OVCH1: variants seen among roughly 807,000 people sequenced by gnomAD.
The protein encoded by OVCH1 is ovochymase-1.
OVCH1 carries 139 observed loss-of-function variants against 138.4 expected under a neutral mutation model. The observed-to-expected ratio is 1.00, with a 90% CI of 0.87 to 1.16. The LOEUF is 1.16. Ranked by LOEUF, OVCH1 falls within the 50% of genes most tolerant of loss-of-function variation. The pLI is 0.00. For synonymous variants in OVCH1, 453 were observed against 467.8 expected (o/e 0.97, Z 0.41); for missense variants, 1,367 against 1,357.9 (o/e 1.01, Z -0.11).
chr12:29,451,759 G>C (rs1045309420), intron 21 of OVCH1, among the ~76,000 whole-genome samples, 190 bp from the exon 22 acceptor site: 1 of 152,138 alleles, frequency 6.6e-6, no homozygotes, highest in African/African-American at 2.4e-5. Flanking sequence ...TGATATTATA[G>C]AGGTAGAATT....
At chr12:29,482,772 C>CT in intron 8 of OVCH1, among the ~76,000 whole-genome samples, 1 of 152,272 alleles carries the variant, frequency 6.6e-6, no homozygotes, top group East Asian at 1.9e-4. Context: ...TCTCTTGAAA[C>CT]TTTTTCTTGC....
chr12:29,445,581 G>A (rs192202506), intron 22 of OVCH1, among the ~76,000 whole-genome samples, 178 bp from the exon 23 acceptor site: 1 of 152,146 alleles, frequency 6.6e-6, no homozygotes, highest in Admixed American at 6.6e-5. Context: ...CTAGCCGGGT[G>A]GGAAGCTAGG....
intron 6 of OVCH1, among the ~76,000 whole-genome samples, chr12:29,488,963 A>G (rs1203780753): frequency 4.6e-5 from 7 of 150,672 alleles, no homozygotes; most frequent in Non-Finnish European, 8.9e-5. Context: ...CTTCCAACAG[A>G]TAATTTCAGA....
chr12:29,436,864 C>T (rs979561462), intron 26 of OVCH1, among the ~76,000 whole-genome samples: 6 of 152,158 alleles, frequency 3.9e-5, no homozygotes, highest in African/African-American at 1.2e-4. Context: ...TGAGCAGCAG[C>T]AAGATTTATT....
At chr12:29,412,646 TC>T (rs1940975553) in exon 4 of OVCH1, 1 of 152,212 alleles carries the variant, frequency 6.6e-6, no homozygotes, top group African/African-American at 2.4e-5. Context: ...GTTCAGTTGT[TC>T]CCCATCCAGC....
At chr12:29,433,075 T>G (rs1482329619) in intron 27 of OVCH1, among the ~76,000 whole-genome samples, 1 of 152,226 alleles carries the variant, frequency 6.6e-6, no homozygotes, top group Middle Eastern at 3.2e-3. Context: ...AATCCAAGTT[T>G]TCCTTGATTC....
chr12:29,464,619 G>C (rs746388481), exon 18 of OVCH1: 17 of 1,613,528 alleles, frequency 1.1e-5, no homozygotes, highest in Non-Finnish European at 1.4e-5. Flanking sequence ...CCAGAGGAGA[G>C]CTTAGTTGTA....
At chr12:29,466,152 T>C (rs1942311308) in intron 16 of OVCH1, among the ~76,000 whole-genome samples, 1 of 151,164 alleles carries the variant, frequency 6.6e-6, no homozygotes, top group Admixed American at 6.6e-5. Context: ...ATGTAAATGA[T>C]AAGTTAATGG....
At chr12:29,478,701 T>C (rs1942825391) in intron 9 of OVCH1, 134 bp downstream of exon 10, 3 of 497,684 alleles carry the variant, frequency 6.0e-6, no homozygotes, top group Admixed American at 8.7e-5. Flanking sequence ...GCAAGTTTAT[T>C]AGGAAAGTAA....
At chr12:29,452,076 G>C (rs1374990670) in intron 21 of OVCH1, among the ~76,000 whole-genome samples, 1 of 152,096 alleles carries the variant, frequency 6.6e-6, no homozygotes, top group East Asian at 1.9e-4. Flanking sequence ...CCTGCAGTTT[G>C]GGTGCCAGTT....
At chr12:29,448,173 G>C (rs2135935308) in intron 22 of OVCH1, among the ~76,000 whole-genome samples, 1 of 146,154 alleles carries the variant, frequency 6.8e-6, no homozygotes, top group East Asian at 2.0e-4. Context: ...CTAGATCCTT[G>C]GCATGTGCAA....
chr12:29,402,601 G>C, the OVCH1 span, among the ~76,000 whole-genome samples: 1 of 151,742 alleles, frequency 6.6e-6, no homozygotes, highest in East Asian at 1.9e-4. Context: ...TTGAGAGAGG[G>C]AAGGAGGATG....
intron 19 of OVCH1, among the ~76,000 whole-genome samples, chr12:29,458,274 A>G (rs115924822): frequency 0.024 from 3,657 of 152,200 alleles, 114 homozygotes; most frequent in African/African-American, 0.08. Flanking sequence ...ACAGCACAGT[A>G]CTGGCATAAA....
downstream of OVCH1, among the ~76,000 whole-genome samples, chr12:29,412,164 G>A (rs61917240): frequency 0.56 from 85,442 of 151,654 alleles, 26,124 homozygotes; most frequent in Middle Eastern, 0.78. Flanking sequence ...TTGGAAAAGC[G>A]CAGTACTTGG....
chr12:29,461,783 C>A, intron 19 of OVCH1, 71 bp downstream of exon 19: 1 of 1,582,880 alleles, frequency 6.3e-7, no homozygotes, highest in Non-Finnish European at 8.7e-7. Context: ...GCAATGGTTT[C>A]TCCTGTCTAT....
At chr12:29,405,301 T>C in the OVCH1 span, among the ~76,000 whole-genome samples, 2 of 143,464 alleles carry the variant, frequency 1.4e-5, no homozygotes, top group African/African-American at 4.9e-5. Flanking sequence ...TGAGACATAC[T>C]AAAAAGAAAA....
At position 29,483,865 on chromosome 12, in the gene OVCH1, C is replaced by T. The variant is rs977548244; in HGVS notation, c.995+2381G>A. Reference sequence around the variant, plus strand: ...ATCTTTTCCACTATAACATTTATATCTCTCCCCACACTTCTAACCACTCCA... The same window carrying T: ...ATCTTTTCCACTATAACATTTATATTTCTCCCCACACTTCTAACCACTCCA... On this transcript the variant is annotated intron_variant, in intron 8 of 27. Coordinates refer to ENST00000318184, the Ensembl canonical transcript of OVCH1. Among the ~76,000 whole-genome samples, 6 of 152,324 alleles carry T rather than the reference C, an allele frequency of 3.9e-5. No individual in the cohort carries two copies. In the South Asian group the frequency reaches 1.2e-3, roughly 32 times the overall value.
chr12:29,469,937 G>T (rs544754875), intron 16 of OVCH1, among the ~76,000 whole-genome samples: 48 of 152,250 alleles, frequency 3.2e-4, no homozygotes, highest in African/African-American at 1.1e-3. Context: ...CATTTGGGAA[G>T]CTTTTCAAAA....
In OVCH1 at chr12:29,475,051, T is replaced by A; in HGVS notation, c.1600+10A>T. ...ACAAAAGTCCTTATTACACAAATGT[T>A]TATACTCACCTGAGGGCAAAATGGT... On this transcript the variant is annotated intron_variant, in intron 14 of 27. Coordinates refer to ENST00000318184, the Ensembl canonical transcript of OVCH1. 6.3e-7 allele frequency: 1 copy of A among 1,578,826 alleles called. No individual in the cohort carries two copies. The highest frequency in any genetic ancestry group is 8.6e-7 in the Non-Finnish European group (1 of 1,160,858).
Sources: allele counts gnomAD v4.1 joint callset (sites outside exome capture counted in the v4.1 genomes callset), GRCh38; gene constraint gnomAD v4.1.1; transcripts MANE v1.5; gene names NCBI Gene and HGNC (gene_info 2026-07-23, HGNC 2026-07-21).